TADA2A: variants seen among roughly 807,000 people sequenced by gnomAD.
TADA2A encodes the protein transcriptional adapter 2-alpha.
TADA2A carries 38 observed loss-of-function variants against 67.4 expected under a neutral mutation model. That is an observed-to-expected ratio of 0.56 (90% CI 0.44 to 0.74). The LOEUF is 0.74. Among genes scored for constraint, TADA2A ranks in the 30% least tolerant of loss-of-function variants. TADA2A has a pLI of 0.00. For synonymous variants in TADA2A, 192 were observed against 181.6 expected (o/e 1.06, Z -0.46); for missense variants, 454 against 547.0 (o/e 0.83, Z 1.70).
chr17:37,464,745 G>C (rs2053624041), intron 10 of TADA2A, among the ~76,000 whole-genome samples: 1 of 150,794 alleles, frequency 6.6e-6, no homozygotes, highest in African/African-American at 2.4e-5. Flanking sequence ...GGCTGAGACA[G>C]GAAAATTGCT....
chr17:37,452,063 A>G (rs2053249035), intron 8 of TADA2A, among the ~76,000 whole-genome samples: 1 of 152,088 alleles, frequency 6.6e-6, no homozygotes, highest in African/African-American at 2.4e-5. Context: ...TTTCTTTCCT[A>G]TTAAATTCAT....
chr17:37,459,948 C>A (rs2053505868), intron 9 of TADA2A, among the ~76,000 whole-genome samples: 1 of 151,514 alleles, frequency 6.6e-6, no homozygotes, highest in African/African-American at 2.4e-5. Flanking sequence ...TGCCTGTAGT[C>A]CAAGCTACTC....
At chr17:37,434,771 T>C (rs2147952760) in intron 4 of TADA2A, among the ~76,000 whole-genome samples, 1 of 152,328 alleles carries the variant, frequency 6.6e-6, no homozygotes, top group South Asian at 2.1e-4. Flanking sequence ...TACTTCCCTT[T>C]ATTTACTAGT....
At chr17:37,411,799 G>A (rs2051881836) in intron 2 of TADA2A, among the ~76,000 whole-genome samples, 1 of 151,954 alleles carries the variant, frequency 6.6e-6, no homozygotes, top group Admixed American at 6.6e-5. Context: ...ATGAAGTTAG[G>A]CAATAAAGCC....
At chr17:37,453,815 G>C (rs1387990049) in intron 8 of TADA2A, among the ~76,000 whole-genome samples, 2 of 133,848 alleles carry the variant, frequency 1.5e-5, no homozygotes, top group East Asian at 4.3e-4. Flanking sequence ...TTGTTGCCCA[G>C]GCTGGAGTGC....
chr17:37,456,627 G>A (rs2053399794), intron 8 of TADA2A, among the ~76,000 whole-genome samples: 1 of 152,206 alleles, frequency 6.6e-6, no homozygotes, highest in South Asian at 2.1e-4. Flanking sequence ...TCCAATATAG[G>A]AGTTTTAGAG....
intron 2 of TADA2A, among the ~76,000 whole-genome samples, chr17:37,416,647 A>G (rs1004108448): frequency 6.6e-6 from 1 of 152,058 alleles, no homozygotes; most frequent in African/African-American, 2.4e-5. Flanking sequence ...CAGGCAGATC[A>G]CGAGGTCAAG....
intron 10 of TADA2A, 44 bp from the exon 11 acceptor site, chr17:37,465,387 C>A: frequency 1.4e-6 from 2 of 1,451,652 alleles, no homozygotes; most frequent in Non-Finnish European, 9.4e-7. Context: ...ACTCAGGGAT[C>A]CTTACATTTC....
intron 8 of TADA2A, 79 bp downstream of exon 8, chr17:37,444,847 T>C (rs2053029407): frequency 4.7e-6 from 6 of 1,282,220 alleles, no homozygotes; most frequent in Non-Finnish European, 5.7e-6. Flanking sequence ...AATTGAAGGA[T>C]GAATAGAACA....
chr17:37,476,722 T>A (rs1885950976), intron 15 of TADA2A, 75 bp from the exon 16 acceptor site: 1 of 1,525,410 alleles, frequency 6.6e-7, no homozygotes, highest in Non-Finnish European at 8.8e-7. Context: ...TTTAAAAAAT[T>A]TTTTGCTATA....
chr17:37,474,469 C>G (rs1189574620), intron 14 of TADA2A, 87 bp from the exon 15 acceptor site: 2 of 1,283,970 alleles, frequency 1.6e-6, no homozygotes, highest in Non-Finnish European at 2.2e-6. Context: ...ACCTAACTGG[C>G]CTGGCTGCAC....
intron 4 of TADA2A, among the ~76,000 whole-genome samples, chr17:37,429,464 T>C (rs930939424): frequency 2.6e-5 from 4 of 151,116 alleles, no homozygotes; most frequent in Non-Finnish European, 4.4e-5. Context: ...AAAAAAAAAA[T>C]AGAGACAGGG....
intron 8 of TADA2A, among the ~76,000 whole-genome samples, chr17:37,447,564 C>G (rs1219908865): frequency 6.6e-6 from 1 of 152,060 alleles, no homozygotes; most frequent in African/African-American, 2.4e-5. Flanking sequence ...TTCTTGAGCC[C>G]AGGAATTCAA....
chr17:37,407,067 G>C (rs1397092252), intron 1 of TADA2A, 118 bp downstream of exon 1: 14 of 146,012 alleles, frequency 9.6e-5, no homozygotes, highest in African/African-American at 3.0e-4. Flanking sequence ...GTCGCGGGCT[G>C]CGGGCCCCGG....
At chr17:37,465,575 G>T in intron 11 of TADA2A, 34 bp downstream of exon 11, 1 of 1,613,288 alleles carries the variant, frequency 6.2e-7, no homozygotes, top group Non-Finnish European at 8.5e-7. Flanking sequence ...CAGTATTTGT[G>T]TGTGTATATT....
chr17:37,411,082 C>T (rs1284669316), intron 1 of TADA2A, among the ~76,000 whole-genome samples, 187 bp from the exon 2 acceptor site: 17 of 152,150 alleles, frequency 1.1e-4, no homozygotes, highest in Admixed American at 1.1e-3. Flanking sequence ...ACATTTAATT[C>T]TCACAACTTT....
chr17:37,467,343 C>A, intron 11 of TADA2A, 111 bp from the exon 12 acceptor site: 3 of 802,102 alleles, frequency 3.7e-6, no homozygotes, highest in South Asian at 1.8e-5. Flanking sequence ...TCCAAATGAA[C>A]TTCCCTAGTC....
At chr17:37,471,882 A>G (rs1394654648) in intron 14 of TADA2A, among the ~76,000 whole-genome samples, 1 of 152,116 alleles carries the variant, frequency 6.6e-6, no homozygotes, top group African/African-American at 2.4e-5. Context: ...TGAGTTAGAG[A>G]CCTAAAGTAT....
intron 2 of TADA2A, among the ~76,000 whole-genome samples, chr17:37,419,610 C>T (rs958944693): frequency 6.8e-6 from 1 of 146,238 alleles, no homozygotes; most frequent in Admixed American, 6.9e-5. Context: ...AAAACCCCCC[C>T]TCTACTAAAA....
Sources: allele counts gnomAD v4.1 joint callset (sites outside exome capture counted in the v4.1 genomes callset), GRCh38; gene constraint gnomAD v4.1.1; transcripts MANE v1.5; gene names NCBI Gene and HGNC (gene_info 2026-07-23, HGNC 2026-07-21).